The following TENT4A variants were observed in gnomAD, a reference collection of about 807,000 sequenced individuals.
TENT4A encodes terminal nucleotidyltransferase 4A.
Under a neutral mutation model 72.8 loss-of-function variants are expected in TENT4A, and 7 were observed. The ratio of observed to expected loss-of-function variants is 0.10; its 90% confidence interval spans 0.05 to 0.18. TENT4A has a LOEUF of 0.18. Among genes scored for constraint, TENT4A ranks in the 10% least tolerant of loss-of-function variants. The pLI is 1.00. For missense variants in TENT4A, 831 were observed against 1,017.7 expected (o/e 0.82, Z 2.50); for synonymous variants, 456 against 434.3 (o/e 1.05, Z -0.62).
intron 1 of TENT4A, among the ~76,000 whole-genome samples, chr5:6,722,379 A>G (rs1020000724): frequency 6.6e-6 from 1 of 152,188 alleles, no homozygotes; most frequent in African/African-American, 2.4e-5. Flanking sequence ...TTGAAAATAC[A>G]ACTTCCACTT....
chr5:6,742,174 A>G (rs1268935656), intron 4 of TENT4A, among the ~76,000 whole-genome samples: 1 of 152,236 alleles, frequency 6.6e-6, no homozygotes, highest in Admixed American at 6.5e-5. Flanking sequence ...TCTCCATCCC[A>G]GCACATAGGG....
rs909151007 is a variant in TENT4A, at chr5:6,713,908, CGGGCCTCGGGGCGCGGCGGGGGCG to C, written c.-70_-47del. The C allele has an allele frequency of 6.0e-5, 33 of 547,706 alleles. No homozygotes were observed. Among genetic ancestry groups the C allele is most frequent in the Admixed American group, 5.3e-4 (8 of 15,152 alleles). 33.9% of individuals were successfully genotyped at this position (547,706 alleles called of 1,614,324 possible). The stretch of plus-strand genomic sequence containing the variant: ...GTCCGTCCGTCCGTGCGCGCGCGGC[CGGGCCTCGGGGCGCGGCGGGGGCG>C]GGGCCGCGTCGGGGCGGGCGGGCGC... On this transcript the variant is annotated 5_prime_UTR_variant, in exon 1 of 13. Coordinates refer to ENST00000230859, the MANE Select transcript of TENT4A (RefSeq NM_006999.6).
chr5:6,752,582 G>A (rs1742466742), intron 11 of TENT4A, among the ~76,000 whole-genome samples: 1 of 152,240 alleles, frequency 6.6e-6, no homozygotes, highest in African/African-American at 2.4e-5. Flanking sequence ...CGGGGGTGAC[G>A]GTTGTTCTTC....
At chr5:6,746,537 G>A in intron 7 of TENT4A, 110 bp downstream of exon 7, 1 of 865,418 alleles carries the variant, frequency 1.2e-6, no homozygotes, top group Non-Finnish European at 1.8e-6. Context: ...ATTTGCTCTT[G>A]ATGCAGGTTT....
rs116339952 is a variant in TENT4A at position 6,728,684 on chromosome 5, C to T, written c.717-8826C>T. On this transcript the variant is annotated intron_variant, in intron 1 of 12. Coordinates refer to ENST00000230859, the MANE Select transcript of TENT4A (RefSeq NM_006999.6). ...GCTGGGCGGCAGAGCCCAGAGGGAG[C>T]CCCTGCTGGTGTGACTTTAGTGTAA... 6.4e-3 allele frequency among the ~76,000 whole-genome samples: 976 copies of T among 152,320 alleles called. 10 individuals carry two copies. Among genetic ancestry groups the T allele is most frequent in the African/African-American group, 0.022 (910 of 41,572 alleles).
chr5:6,715,414 G>GGT (rs1366046714), intron 1 of TENT4A, among the ~76,000 whole-genome samples: 3 of 152,186 alleles, frequency 2.0e-5, no homozygotes, highest in African/African-American at 7.2e-5. Flanking sequence ...AACGAAAGGT[G>GGT]GTGTGTGTTT....
chr5:6,754,334 A>AATTT (rs1428719345), intron 12 of TENT4A, among the ~76,000 whole-genome samples: 1 of 152,054 alleles, frequency 6.6e-6, no homozygotes, highest in Admixed American at 6.6e-5. Context: ...ACACCCAGCC[A>AATTT]ATTTTTGTAT....
chr5:6,726,219 G>A (rs1279630694), intron 1 of TENT4A, among the ~76,000 whole-genome samples: 1 of 152,184 alleles, frequency 6.6e-6, no homozygotes, highest in Non-Finnish European at 1.5e-5. Flanking sequence ...CATGTAGGGG[G>A]AGCTGCGTCC....
chr5:6,737,093 AGGCACTCAGG>A (rs1451637506), intron 1 of TENT4A, among the ~76,000 whole-genome samples: 3 of 152,170 alleles, frequency 2.0e-5, no homozygotes, highest in Non-Finnish European at 4.4e-5. Context: ...CCTTAGCGTG[AGGCACTCAGG>A]GAGGTGCCCA....
intron 3 of TENT4A, 64 bp downstream of exon 3, chr5:6,738,793 G>T: frequency 8.6e-7 from 1 of 1,168,162 alleles, no homozygotes; most frequent in Non-Finnish European, 1.3e-6. Flanking sequence ...GCAATATTAA[G>T]GGCTACAAAT....
intron 1 of TENT4A, among the ~76,000 whole-genome samples, chr5:6,728,317 T>A (rs1459445869): frequency 6.6e-6 from 1 of 152,228 alleles, no homozygotes; most frequent in African/African-American, 2.4e-5. Context: ...CAGTTTTTTT[T>A]ACTAAGGCTA....
intron 1 of TENT4A, among the ~76,000 whole-genome samples, chr5:6,732,499 C>T (rs919435706): frequency 1.1e-4 from 16 of 152,166 alleles, no homozygotes; most frequent in African/African-American, 3.4e-4. Context: ...AATACAAAAA[C>T]ATTGCTGATC....
chr5:6,718,681 C>T (rs904385282), intron 1 of TENT4A, among the ~76,000 whole-genome samples: 2 of 152,236 alleles, frequency 1.3e-5, no homozygotes, highest in African/African-American at 4.8e-5. Context: ...TCCAACACTC[C>T]TTCCATTTAG....
At chr5:6,750,127 C>A (rs1312003455) in intron 9 of TENT4A, among the ~76,000 whole-genome samples, 1 of 152,196 alleles carries the variant, frequency 6.6e-6, no homozygotes, top group Non-Finnish European at 1.5e-5. Flanking sequence ...GATTTGCATA[C>A]CCAAGTTATT....
rs1331618719 is a variant in TENT4A, at chr5:6,756,546, A to C, written c.*1601A>C. On this transcript the variant is annotated 3_prime_UTR_variant, in exon 13 of 13. Coordinates refer to ENST00000230859, the MANE Select transcript of TENT4A (RefSeq NM_006999.6). Reference sequence around the variant, plus strand: ...TGTCTGCGGTCTGCCCTTTTGAAGCAGGACTGGCTCACTCTGTCATTGGGA... The same window carrying C: ...TGTCTGCGGTCTGCCCTTTTGAAGCCGGACTGGCTCACTCTGTCATTGGGA... 1 of 152,410 alleles carries C rather than the reference A, an allele frequency of 6.6e-6. No homozygotes were observed. Among genetic ancestry groups the C allele is most frequent in the Non-Finnish European group, 1.5e-5 (1 of 68,046 alleles). 9.4% of individuals were successfully genotyped at this position (152,410 alleles called of 1,614,324 possible). A position where few individuals can be genotyped will look rare whatever the true frequency, so the allele number is the denominator to read the frequency against.
intron 12 of TENT4A, 85 bp from the exon 13 acceptor site, chr5:6,754,666 C>G (rs28381434): frequency 9.5e-7 from 1 of 1,054,246 alleles, no homozygotes; most frequent in Non-Finnish European, 1.3e-6. Context: ...AACATCACGT[C>G]GGTGCTTAGT....
At chr5:6,745,948 T>C (rs1254085446) in intron 6 of TENT4A, 44 of 1,123,038 alleles carry the variant, frequency 3.9e-5, no homozygotes, top group Non-Finnish European at 5.0e-5. Flanking sequence ...TAATCAGATA[T>C]CTGTGTTTGC....
chr5:6,737,545 T>C lies in TENT4A; in HGVS notation c.752T>C (p.Met251Thr). Residue 251 changes from methionine to threonine, a missense_variant, in exon 2 of 13, where the codon ATG becomes ACG. Around this residue, in one of 3 missense-constraint regions of TENT4A, gnomAD observed 197 missense variants for 399.6 expected, o/e 0.49. Transcript: ENST00000230859. ...HEEIIDFYNFMSPCPEEAAMR... is the reference protein window; with the variant it reads ...HEEIIDFYNFTSPCPEEAAMR... ...GAAATAATTGACTTTTATAACTTCATGTCCCCTTGTCCTGAAGAAGCAGCT... is the reference window on the plus strand; with the variant it reads ...GAAATAATTGACTTTTATAACTTCACGTCCCCTTGTCCTGAAGAAGCAGCT... The C allele has an allele frequency of 1.2e-6, 2 of 1,613,190 alleles. No homozygotes were observed. The highest frequency in any genetic ancestry group is 1.7e-6 in the Non-Finnish European group (2 of 1,179,414).
chr5:6,750,573 A>C (rs150448736), intron 10 of TENT4A, 70 bp downstream of exon 10: 1 of 1,384,176 alleles, frequency 7.2e-7, no homozygotes, highest in Non-Finnish European at 9.7e-7. Context: ...CATAGCCGCG[A>C]GCTTAAAATC....
Sources: allele counts gnomAD v4.1 joint callset (sites outside exome capture counted in the v4.1 genomes callset), GRCh38; gene constraint gnomAD v4.1.1; regional missense constraint gnomAD v4.1.1; transcripts MANE v1.5; gene names NCBI Gene and HGNC (gene_info 2026-07-23, HGNC 2026-07-21).